DNM3: variants seen among roughly 807,000 people sequenced by gnomAD.
The protein encoded by DNM3 is dynamin-3.
A neutral mutation model predicts 101.6 loss-of-function variants in DNM3; 47 were observed. That is an observed-to-expected ratio of 0.46 (90% confidence interval 0.37 to 0.59). DNM3 has a LOEUF of 0.59. Among genes scored for constraint, DNM3 ranks in the 20% least tolerant of loss-of-function variants. The pLI is 0.00. For missense variants in DNM3, 849 were observed against 1,085.7 expected (o/e 0.78, Z 3.06); for synonymous variants, 385 against 387.9 (o/e 0.99, Z 0.09).
intron 2 of DNM3, among the ~76,000 whole-genome samples, chr1:171,979,045 G>A (rs2125580813): frequency 6.6e-6 from 1 of 152,128 alleles, no homozygotes; most frequent in Non-Finnish European, 1.5e-5. Flanking sequence ...AGGGTAAGAA[G>A]GTCTAGAAAC....
intron 14 of DNM3, among the ~76,000 whole-genome samples, chr1:172,135,192 A>T (rs898945686): frequency 6.6e-6 from 1 of 152,194 alleles, no homozygotes; most frequent in Admixed American, 6.5e-5. Flanking sequence ...TGAACAACTC[A>T]TCACACATGC....
chr1:171,982,883 G>T (rs1403059387), intron 2 of DNM3, among the ~76,000 whole-genome samples: 1 of 152,074 alleles, frequency 6.6e-6, no homozygotes, highest in Non-Finnish European at 1.5e-5. Flanking sequence ...ACCACCATCA[G>T]TTCTACCTAT....
intron 11 of DNM3, among the ~76,000 whole-genome samples, chr1:172,070,682 G>C (rs1236204629): frequency 6.6e-6 from 1 of 152,040 alleles, no homozygotes; most frequent in Non-Finnish European, 1.5e-5. Flanking sequence ...TTAACATTTT[G>C]TGTAACTTGT....
intron 14 of DNM3, among the ~76,000 whole-genome samples, chr1:172,234,568 A>G (rs1373813078): frequency 1.3e-5 from 2 of 152,200 alleles, no homozygotes; most frequent in Non-Finnish European, 2.9e-5. Flanking sequence ...AAGAGCCCAC[A>G]TTGCCAAGTC....
chr1:172,040,941 G>A (rs186288268), intron 7 of DNM3, among the ~76,000 whole-genome samples: 3 of 152,248 alleles, frequency 2.0e-5, no homozygotes, highest in African/African-American at 2.4e-5. Flanking sequence ...AGTGGTAAGA[G>A]ATGGGGCTGA....
chr1:172,032,334 T>C, intron 4 of DNM3, 68 bp from the exon 5 acceptor site: 1 of 1,098,548 alleles, frequency 9.1e-7, no homozygotes, highest in Non-Finnish European at 1.4e-6. Flanking sequence ...TTTAGCATTG[T>C]GACATATATG....
At chr1:172,042,720 C>T (rs1332549840) in intron 8 of DNM3, among the ~76,000 whole-genome samples, 1 of 152,044 alleles carries the variant, frequency 6.6e-6, no homozygotes, top group African/African-American at 2.4e-5. Flanking sequence ...TAAAGTATGA[C>T]AGGTGAAGAA....
At chr1:172,020,400 C>G (rs1427950478) in intron 4 of DNM3, among the ~76,000 whole-genome samples, 2 of 152,094 alleles carry the variant, frequency 1.3e-5, no homozygotes, top group Non-Finnish European at 2.9e-5. Flanking sequence ...GGTTAAATGA[C>G]TTCTCTTAAG....
At chr1:172,229,682 C>T (rs1027885857) in intron 14 of DNM3, among the ~76,000 whole-genome samples, 2 of 152,168 alleles carry the variant, frequency 1.3e-5, no homozygotes, top group East Asian at 3.9e-4. Flanking sequence ...TAACTACATC[C>T]TTTTCATTAC....
chr1:171,968,797 G>A (rs1459051651), intron 2 of DNM3, among the ~76,000 whole-genome samples: 1 of 152,046 alleles, frequency 6.6e-6, no homozygotes, highest in Non-Finnish European at 1.5e-5. Flanking sequence ...AAAAAAAATG[G>A]GACTAAATTT....
At chr1:172,388,837 G>T in intron 20 of DNM3, 28 bp downstream of exon 20, 2 of 1,513,676 alleles carry the variant, frequency 1.3e-6, no homozygotes, top group African/African-American at 1.4e-5. Flanking sequence ...AATTGGGGGG[G>T]TAGTGCGCCT....
chr1:172,017,951 C>A (rs907814697), intron 4 of DNM3, among the ~76,000 whole-genome samples: 1 of 152,004 alleles, frequency 6.6e-6, no homozygotes, highest in African/African-American at 2.4e-5. Flanking sequence ...TTATATAATG[C>A]CCCTCTTTTC....
intron 1 of DNM3, among the ~76,000 whole-genome samples, chr1:171,921,349 C>A (rs906031877): frequency 6.6e-6 from 1 of 151,974 alleles, no homozygotes; most frequent in African/African-American, 2.4e-5. Context: ...ATCTTGAGGC[C>A]AAAGAGCGTA....
At chr1:172,314,860 C>A (rs1261602324) in intron 16 of DNM3, among the ~76,000 whole-genome samples, 1 of 152,128 alleles carries the variant, frequency 6.6e-6, no homozygotes, top group African/African-American at 2.4e-5. Context: ...CTTAAATGTC[C>A]CTGTCTGACA....
At chr1:172,129,768 AG>A (rs1572637321) in intron 13 of DNM3, among the ~76,000 whole-genome samples, 3 of 152,190 alleles carry the variant, frequency 2.0e-5, no homozygotes, top group Non-Finnish European at 4.4e-5. Flanking sequence ...GGGAGTTAAA[AG>A]TTAAGATGAG....
At chr1:172,394,612 G>A (rs1316580304) in intron 20 of DNM3, among the ~76,000 whole-genome samples, 3 of 152,126 alleles carry the variant, frequency 2.0e-5, no homozygotes, top group Non-Finnish European at 4.4e-5. Context: ...TGTTCTCTTT[G>A]GGGCTCTAAA....
At chr1:171,868,464 C>G (rs6685974) in intron 1 of DNM3, among the ~76,000 whole-genome samples, 88,668 of 152,030 alleles carry the variant, frequency 0.58, 26,066 homozygotes, top group East Asian at 0.8. Context: ...GCAATCTGCG[C>G]ATTGCGTGAA....
intron 13 of DNM3, among the ~76,000 whole-genome samples, chr1:172,117,310 C>T (rs1289564079): frequency 6.6e-6 from 1 of 151,740 alleles, no homozygotes; most frequent in African/African-American, 2.4e-5. Flanking sequence ...TATATTTAGT[C>T]TTTGTGACTG....
intron 12 of DNM3, among the ~76,000 whole-genome samples, chr1:172,091,133 T>A (rs1257642305): frequency 6.6e-6 from 1 of 152,216 alleles, no homozygotes; most frequent in East Asian, 1.9e-4. Context: ...TCTGTGCTTA[T>A]GTCTAAAATG....
Sources: allele counts gnomAD v4.1 joint callset (sites outside exome capture counted in the v4.1 genomes callset), GRCh38; gene constraint gnomAD v4.1.1; transcripts MANE v1.5; gene names NCBI Gene and HGNC (gene_info 2026-07-23, HGNC 2026-07-21).